Variants in ACSM1 observed in about 807,000 individuals in gnomAD.
The protein encoded by ACSM1 is acyl-CoA synthetase medium chain family member 1, also known as acyl-coenzyme A synthetase ACSM1, mitochondrial.
In ACSM1, 79 loss-of-function variants were observed where a neutral mutation model predicts 75.8. The observed-to-expected ratio is 1.04, with a 90% confidence interval of 0.87 to 1.26. ACSM1 has a LOEUF of 1.26. ACSM1 is among the 50% of genes most tolerant of loss of function. The pLI, the probability that ACSM1 is intolerant of heterozygous loss-of-function variation, is 0.00. For synonymous variants in ACSM1, 279 were observed against 265.8 expected, an observed-to-expected ratio of 1.05 and a Z score of -0.48; for missense variants, 676 against 720.1, an observed-to-expected ratio of 0.94 and a Z score of 0.70.
In ACSM1 at chr16:20,682,260, C is replaced by T. The variant is rs374521725; in HGVS notation, c.607G>A (p.Val203Ile). The change falls in exon 4 of 14, where the codon GTT becomes ATT. Residue 203 changes from valine (V) to isoleucine (I), a missense_variant. Coordinates refer to ENST00000520010, the MANE Select transcript of ACSM1 (RefSeq NM_001318890.3). ...TTCATCAGACCAGAGACTCACTTAA[C>T]CAGCGATCGGAAGTCCAGCCACCCT... ...REGWLDFRSL[V>I]KSASPEHTCV... 6.2e-7 allele frequency: 1 copy of T among 1,612,690 alleles called. No homozygotes were observed. Among genetic ancestry groups the T allele is most frequent in the African/African-American group, 1.3e-5 (1 of 74,878 alleles).
chr16:20,636,929 C>T (rs2152210150), intron 9 of ACSM1, 89 bp from the exon 10 acceptor site: 2 of 880,334 alleles, frequency 2.3e-6, no homozygotes, highest in Non-Finnish European at 1.9e-6. Context: ...GCATGGGACA[C>T]CAGTGTGGAT....
chr16:20,623,621 T>A, intron 13 of ACSM1, 49 bp from the exon 14 acceptor site: 1 of 1,542,838 alleles, frequency 6.5e-7, no homozygotes, highest in East Asian at 2.2e-5. Context: ...TGCTGCCATT[T>A]CCTAACAATT....
intron 7 of ACSM1, among the ~76,000 whole-genome samples, chr16:20,646,022 G>A (rs1298578859): frequency 6.6e-6 from 1 of 152,096 alleles, no homozygotes; most frequent in Non-Finnish European, 1.5e-5. Flanking sequence ...GTCTGCCTTA[G>A]GCCTGGAGCA....
chr16:20,638,230 A>C (rs2017837650), intron 8 of ACSM1, among the ~76,000 whole-genome samples: 1 of 152,206 alleles, frequency 6.6e-6, no homozygotes, highest in African/African-American at 2.4e-5. Flanking sequence ...AATAATGATA[A>C]CACTTACCTC....
Position 20,624,139 on chromosome 16 carries a change from T to C in ACSM1, c.1604A>G (p.Gln535Arg), listed in dbSNP as rs978844520. 3.1e-6 allele frequency: 5 copies of C among 1,613,522 alleles called. No individual in the cohort carries two copies. Among genetic ancestry groups the C allele is most frequent in the African/African-American group, 1.3e-5 (1 of 75,042 alleles). Residue 535 changes from glutamine (Q) to arginine (R), a missense_variant, in exon 13 of 14, where the codon CAG (glutamine) becomes CGG (arginine). Physicochemically the swap from Gln to Arg is conservative, Grantham distance 43 (BLOSUM62 1). Transcript: ENST00000520010. ...DKDQLTKELQ[Q>R]HVKSVTAPYK... Reference sequence around the variant, plus strand: ...TGGGGCTGTCACTGACTTGACATGCTGCTGCAGTTCCTTGGTCAGCTGATC... The same window carrying C: ...TGGGGCTGTCACTGACTTGACATGCCGCTGCAGTTCCTTGGTCAGCTGATC...
chr16:20,649,158 A>C (rs2018512637), intron 7 of ACSM1, among the ~76,000 whole-genome samples: 1 of 148,160 alleles, frequency 6.7e-6, no homozygotes, highest in African/African-American at 2.5e-5. Context: ...GAATGTTGGT[A>C]GTGAGGACAA....
In ACSM1 at chr16:20,695,426, T is replaced by A. The variant is rs1013116018; in HGVS notation, c.-52+2210A>T. Among the ~76,000 whole-genome samples, 3 of 152,112 alleles carry A rather than the reference T, an allele frequency of 2.0e-5. No individual in the cohort carries two copies. In the South Asian group the frequency reaches 6.2e-4, roughly 32 times the overall value. On this transcript the variant is annotated intron_variant, in intron 1 of 13. Coordinates refer to ENST00000520010, the MANE Select transcript of ACSM1 (RefSeq NM_001318890.3). The stretch of plus-strand genomic sequence containing the variant: ...ACTTTATAGGGAAGCTCTTATAGAG[T>A]AGTTAAGCCAGAGGAAAAAAATTTC...
chr16:20,673,043 C>A (rs2020053463), intron 4 of ACSM1, among the ~76,000 whole-genome samples: 1 of 143,428 alleles, frequency 7.0e-6, no homozygotes, highest in African/African-American at 2.6e-5. Context: ...ACTTACATGT[C>A]ATATATACAT....
In ACSM1 at chr16:20,691,156, C is replaced by T. The variant is rs1256737667; in HGVS notation, c.33G>A (p.Trp11Ter). The T allele has an allele frequency of 1.9e-6, 3 of 1,610,210 alleles. No individual in the cohort carries two copies. The highest frequency in any genetic ancestry group is 2.5e-6 in the Non-Finnish European group (3 of 1,178,532). ...TGTTGTGGAAGGATTTGTGGATGCCCCAGAGGGTCCGGAACCTCATTAGCC... is the reference window on the plus strand; with the variant it reads ...TGTTGTGGAAGGATTTGTGGATGCCTCAGAGGGTCCGGAACCTCATTAGCC... MQWLMRFRTLWGIHKSFHNIH... is the reference protein window; with the variant it reads MQWLMRFRTL The change falls in exon 2 of 14, where the codon TGG (tryptophan) becomes TGA (stop). Residue 11 changes from tryptophan to a stop codon, truncating the protein, a stop_gained. Transcript: ENST00000520010. LOFTEE classifies it high-confidence loss of function.
At chr16:20,659,026 A>G (rs1003869316) in intron 7 of ACSM1, among the ~76,000 whole-genome samples, 1 of 152,176 alleles carries the variant, frequency 6.6e-6, no homozygotes, top group African/African-American at 2.4e-5. Context: ...CACTATCTTT[A>G]TGATAGACAT....
At chr16:20,647,823 TC>T (rs1239803062) in intron 7 of ACSM1, among the ~76,000 whole-genome samples, 2 of 152,214 alleles carry the variant, frequency 1.3e-5, no homozygotes, top group Non-Finnish European at 2.9e-5. Flanking sequence ...GTCTAGACTT[TC>T]TGGCTCCTTG....
At chr16:20,669,583 C>G (rs988061023) in intron 6 of ACSM1, among the ~76,000 whole-genome samples, 4 of 151,928 alleles carry the variant, frequency 2.6e-5, no homozygotes, top group African/African-American at 9.7e-5. Flanking sequence ...GGTCCCAAGT[C>G]TACAAAGACT....
chr16:20,649,831 C>CT (rs2018552176), intron 7 of ACSM1, among the ~76,000 whole-genome samples: 1 of 152,190 alleles, frequency 6.6e-6, no homozygotes, highest in African/African-American at 2.4e-5. Flanking sequence ...TCCTGACCAC[C>CT]TTGGGCGTAT....
At chr16:20,649,011 G>T (rs2018500302) in intron 7 of ACSM1, among the ~76,000 whole-genome samples, 1 of 152,172 alleles carries the variant, frequency 6.6e-6, no homozygotes, top group Admixed American at 6.5e-5. Context: ...TCCTCGAGAA[G>T]TTGGGGTTTC....
intron 1 of ACSM1, among the ~76,000 whole-genome samples, chr16:20,695,507 T>C (rs2079684654): frequency 6.6e-6 from 1 of 152,180 alleles, no homozygotes; most frequent in South Asian, 2.1e-4. Context: ...TACCTGAACA[T>C]AGACACCATA....
Position 20,644,538 on chromosome 16 carries a change from A to AACACAC in ACSM1, c.993-3960_993-3955dup, listed in dbSNP as rs56275246. ...GATGGCTCCTCCCATGTGATTGAGG[A>AACACAC]ACACACACACACACACACACACACA... On this transcript the variant is annotated intron_variant, in intron 7 of 13. Transcript: ENST00000520010. Among the ~76,000 whole-genome samples, 273 of 145,112 alleles carry AACACAC rather than the reference A, an allele frequency of 1.9e-3. 1 individual carries two copies. The highest frequency in any genetic ancestry group is 0.011 in the Middle Eastern group (3 of 284).
Position 20,673,761 on chromosome 16 carries a change from CT to C in ACSM1, c.612-2091del, listed in dbSNP as rs542317574. Among the ~76,000 whole-genome samples the C allele has an allele frequency of 6.9e-4, 105 of 152,216 alleles. 2 individuals carry two copies. The East Asian group carries it at 0.019, about 28-fold the overall frequency. On this transcript the variant is annotated intron_variant, in intron 4 of 13. Transcript: ENST00000520010. ...TTTTACCTTAAAAATTCATTTTAAC[CT>C]TTCATTCAACTACTTCATATATTTT...
At chr16:20,646,328 C>G (rs973665590) in intron 7 of ACSM1, among the ~76,000 whole-genome samples, 1 of 152,202 alleles carries the variant, frequency 6.6e-6, no homozygotes, top group Non-Finnish European at 1.5e-5. Context: ...CTGGAAGGCC[C>G]ACTGCCCGAG....
At chr16:20,678,946 A>G (rs2079376379) in intron 4 of ACSM1, among the ~76,000 whole-genome samples, 1 of 152,182 alleles carries the variant, frequency 6.6e-6, no homozygotes, top group Admixed American at 6.5e-5. Context: ...GACTAGAAGA[A>G]GTAACTTTAA....
Sources: gnomAD v4.1 joint callset for allele counts (sites outside exome capture counted in the v4.1 genomes callset) on GRCh38, gnomAD v4.1.1 for gene constraint, MANE v1.5 for transcripts, NCBI Gene and HGNC (gene_info 2026-07-23, HGNC 2026-07-21) for gene names.